Variants in STAG2 observed in about 807,000 individuals in gnomAD.
STAG2 encodes STAG2 cohesin complex component.
Under a neutral mutation model 108.1 loss-of-function variants are expected in STAG2, and 14 were observed. The observed-to-expected ratio is 0.13, with a 90% CI of 0.09 to 0.20. STAG2 has a LOEUF of 0.20. Ranked by LOEUF, STAG2 falls within the 10% of genes least tolerant of loss-of-function variation. The pLI is 1.00. For synonymous variants in STAG2, 307 were observed against 302.7 expected, an observed-to-expected ratio of 1.01 and a Z score of -0.15; for missense variants, 440 against 940.9, an observed-to-expected ratio of 0.47 and a Z score of 6.96.
At chrX:123,990,262 G>A (rs1371189927) in intron 1 of STAG2, among the ~76,000 whole-genome samples, 1 of 111,664 alleles carries the variant, frequency 9.0e-6, no homozygotes, top group Admixed American at 9.5e-5. Flanking sequence ...TGATCAGTCT[G>A]ATTGATTGTG....
At chrX:124,036,956 G>C (rs772905309) in intron 5 of STAG2, among the ~76,000 whole-genome samples, 1 of 109,982 alleles carries the variant, frequency 9.1e-6, no homozygotes, top group South Asian at 3.9e-4. Flanking sequence ...CATGATCTTG[G>C]CTCACTGCAA....
chrX:124,058,154 C>CTTTTTT (rs999044036), intron 15 of STAG2, among the ~76,000 whole-genome samples, 177 bp downstream of exon 15: 13 of 72,962 alleles, frequency 1.8e-4, no homozygotes, highest in Admixed American at 3.4e-4. Flanking sequence ...TACTTTTCTT[C>CTTTTTT]TTTTTTTTTT....
At chrX:123,966,214 G>A (rs891371137) in intron 1 of STAG2, among the ~76,000 whole-genome samples, 1 of 110,436 alleles carries the variant, frequency 9.1e-6, no homozygotes, top group Admixed American at 9.7e-5. Flanking sequence ...TGTAATCCTA[G>A]CACTTTGGAA....
intron 15 of STAG2, among the ~76,000 whole-genome samples, chrX:124,059,385 T>C (rs2058313930): frequency 8.9e-6 from 1 of 112,144 alleles, no homozygotes. Flanking sequence ...TTAATTACAT[T>C]GTTAGCTATA....
chrX:124,050,982 G>T (rs1199791644), intron 11 of STAG2, 139 bp from the exon 12 acceptor site: 4 of 402,499 alleles, frequency 9.9e-6, no homozygotes, highest in Non-Finnish European at 1.7e-5. Context: ...TATCAAACAT[G>T]ATAGTTTCTG....
chrX:123,991,500 G>A (rs1367750612), intron 1 of STAG2, among the ~76,000 whole-genome samples: 5 of 104,039 alleles, frequency 4.8e-5, no homozygotes, highest in African/African-American at 1.1e-4. Context: ...CTACAAGCAT[G>A]TGCCACCATG....
intron 25 of STAG2, among the ~76,000 whole-genome samples, chrX:124,072,014 GTTTATT>G (rs2148379204): frequency 9.0e-6 from 1 of 111,080 alleles, no homozygotes; most frequent in Admixed American, 9.6e-5. Context: ...TATATTTTTT[GTTTATT>G]TTTATTTTTT....
intron 1 of STAG2, among the ~76,000 whole-genome samples, chrX:123,997,942 C>T (rs1283308010): frequency 8.9e-6 from 1 of 111,792 alleles, no homozygotes; most frequent in Non-Finnish European, 1.9e-5. Context: ...CGCCTGGTCC[C>T]TTGTTGTTTA....
chrX:124,034,856 AGTTGTTGTT>A (rs762597866), intron 5 of STAG2, among the ~76,000 whole-genome samples: 2 of 100,219 alleles, frequency 2.0e-5, no homozygotes, highest in East Asian at 3.1e-4. Context: ...CTATCTCAGT[AGTTGTTGTT>A]GTTGTTGTTG....
chrX:124,028,815 TATATATA>T (rs1232122773), intron 4 of STAG2, among the ~76,000 whole-genome samples: 120 of 89,476 alleles, frequency 1.3e-3, no homozygotes, highest in East Asian at 5.6e-3. Context: ...TATATATATA[TATATATA>T]TTTTTTTTTT....
At chrX:124,073,548 G>A (rs2058727042) in intron 25 of STAG2, among the ~76,000 whole-genome samples, 1 of 111,179 alleles carries the variant, frequency 9.0e-6, no homozygotes, top group Non-Finnish European at 1.9e-5. Context: ...TCAGTCTCTG[G>A]AGTAGCTGGG....
chrX:124,061,486 A>T (rs1350684431), intron 16 of STAG2, 145 bp downstream of exon 16: 2 of 463,040 alleles, frequency 4.3e-6, no homozygotes, highest in East Asian at 7.5e-5. Context: ...TATAAATATT[A>T]TGCTATGTAA....
intron 1 of STAG2, among the ~76,000 whole-genome samples, chrX:123,994,329 A>T (rs1470359674): frequency 9.0e-6 from 1 of 111,556 alleles, no homozygotes; most frequent in African/African-American, 3.3e-5. Flanking sequence ...TTCATGAGGG[A>T]TCTGCCACCA....
At chrX:124,099,912 T>C (rs2059472941) in intron 34 of STAG2, among the ~76,000 whole-genome samples, 1 of 111,765 alleles carries the variant, frequency 8.9e-6, no homozygotes, top group Non-Finnish European at 1.9e-5. Flanking sequence ...CTTTTACTTT[T>C]AGACAAGTAA....
chrX:123,997,560 A>C (rs1343686696), intron 1 of STAG2, among the ~76,000 whole-genome samples: 2 of 112,580 alleles, frequency 1.8e-5, no homozygotes, highest in African/African-American at 6.5e-5. Context: ...TTTGTAGAAT[A>C]ATAGAATATT....
chrX:124,074,001 TTAA>T (rs780996787), intron 25 of STAG2, among the ~76,000 whole-genome samples: 1 of 112,755 alleles, frequency 8.9e-6, no homozygotes, highest in Non-Finnish European at 1.9e-5. Flanking sequence ...TTTGTATCTG[TTAA>T]TAATACATAG....
chrX:124,075,207 G>C (rs2058768581), intron 25 of STAG2, among the ~76,000 whole-genome samples: 1 of 112,089 alleles, frequency 8.9e-6, no homozygotes, highest in Admixed American at 9.5e-5. Flanking sequence ...TGCGCAGACT[G>C]TTCACCAGAG....
At chrX:123,993,623 C>G (rs1374099637) in intron 1 of STAG2, among the ~76,000 whole-genome samples, 4 of 111,202 alleles carry the variant, frequency 3.6e-5, no homozygotes, top group Non-Finnish European at 3.8e-5. Context: ...CCTAGCTACT[C>G]ATACCTCCTG....
rs56942682 is a variant in STAG2, at chrX:124,097,179, CAAA to C, written c.3783+1753_3783+1755del. ...GGGTGACAGAGCCGAGACCCTGTCT[CAAA>C]AAAAAAAAAAAAAAAAAAAAAAGTA... On this transcript the variant is annotated intron_variant, in intron 34 of 34. Transcript: ENST00000371145. Among the ~76,000 whole-genome samples, 4 of 38,206 alleles carry C rather than the reference CAAA, an allele frequency of 1.0e-4. No homozygotes were observed. In the Admixed American group the frequency reaches 1.4e-3, roughly 13 times the overall value. 33.2% of individuals were successfully genotyped at this position (38,206 alleles called of 115,157 possible). A position where few individuals can be genotyped will look rare whatever the true frequency, so the allele number is the denominator to read the frequency against.
Sources: allele counts gnomAD v4.1 joint callset (sites outside exome capture counted in the v4.1 genomes callset), GRCh38; gene constraint gnomAD v4.1.1; transcripts MANE v1.5; gene names NCBI Gene and HGNC (gene_info 2026-07-23, HGNC 2026-07-21).